The following HIRA variants were observed in gnomAD, a reference collection of about 807,000 sequenced individuals.
HIRA encodes the protein histone cell cycle regulator, also known as protein HIRA.
Under a neutral mutation model 126.6 loss-of-function variants are expected in HIRA, and 13 were observed. The observed-to-expected ratio is 0.10, with a 90% CI of 0.07 to 0.16. HIRA has a LOEUF of 0.16. Ranked by LOEUF, HIRA falls within the 10% of genes least tolerant of loss-of-function variation. The probability of loss-of-function intolerance (pLI) is 1.00; values close to 1 mark genes in which losing one functional copy is unlikely to be tolerated. For missense variants in HIRA, 834 were observed against 1,314.4 expected, an observed-to-expected ratio of 0.63 and a Z score of 5.65; for synonymous variants, 511 against 520.0, an observed-to-expected ratio of 0.98 and a Z score of 0.24.
chr22:19,388,506 T>C lies in HIRA; in HGVS notation c.985A>G (p.Lys329Glu). The C allele has an allele frequency of 1.2e-6, 2 of 1,613,304 alleles. No homozygotes were observed. Among genetic ancestry groups the C allele is most frequent in the Non-Finnish European group, 8.5e-7 (1 of 1,179,244 alleles). The change falls in exon 10 of 25, where the codon AAA (lysine) becomes GAA (glutamate). Residue 329 changes from lysine (K) to glutamate (E), a missense_variant. Physicochemically the swap from Lys to Glu is moderately conservative, Grantham distance 56. This residue lies in a region of HIRA where 153 missense variants were observed against 270.6 expected (regional missense o/e 0.57). Transcript: ENST00000263208. ...TACCAGGAAATATCCATGATGGATTTGTCAAACAGTTCATGGATGACCACC... is the reference window on the plus strand; with the variant it reads ...TACCAGGAAATATCCATGATGGATTCGTCAAACAGTTCATGGATGACCACC... The part of the protein sequence containing the change: ...PLVVIHELFD[K>E]SIMDISWTLN...
At chr22:19,343,178 C>CA (rs1473361083) in intron 24 of HIRA, among the ~76,000 whole-genome samples, 2 of 149,288 alleles carry the variant, frequency 1.3e-5, no homozygotes, top group African/African-American at 2.5e-5. Flanking sequence ...ACTAAAATGT[C>CA]AAAAAAAGAA....
intron 13 of HIRA, among the ~76,000 whole-genome samples, chr22:19,380,321 C>T (rs939233599): frequency 6.6e-6 from 1 of 152,104 alleles, no homozygotes; most frequent in Non-Finnish European, 1.5e-5. Context: ...AGGCTGGGAC[C>T]CAACATTGTT....
intron 1 of HIRA, among the ~76,000 whole-genome samples, chr22:19,422,759 T>A (rs942288669): frequency 5.9e-5 from 9 of 152,134 alleles, no homozygotes; most frequent in African/African-American, 2.2e-4. Flanking sequence ...CTCCAGGGAC[T>A]AAAGCACACT....
intron 1 of HIRA, among the ~76,000 whole-genome samples, chr22:19,428,239 C>A (rs2089503655): frequency 6.6e-6 from 1 of 152,180 alleles, no homozygotes; most frequent in Non-Finnish European, 1.5e-5. Flanking sequence ...TAACCTTAGA[C>A]AAGTGCTTCT....
chr22:19,345,944 C>A (rs1019081525), intron 24 of HIRA, among the ~76,000 whole-genome samples: 1 of 152,242 alleles, frequency 6.6e-6, no homozygotes, highest in Non-Finnish European at 1.5e-5. Flanking sequence ...GGTGCACTGG[C>A]AGCTCAAATC....
chr22:19,375,877 A>G lies in HIRA; in HGVS notation c.1614-85T>C, dbSNP rs932386786. ...GTATTTGCATTATTTGGAGCCTACT[A>G]AAAAAGGCACAAATATCAAACTTCC... On this transcript the variant is annotated intron_variant, in intron 14 of 24. Transcript: ENST00000263208. 2.2e-6 allele frequency: 3 copies of G among 1,375,516 alleles called. No individual in the cohort carries two copies. The African/African-American group carries it at 4.4e-5, about 20-fold the overall frequency. 85.2% of individuals were successfully genotyped at this position (1,375,516 alleles called of 1,614,324 possible).
At chr22:19,369,698 G>A (rs965526444) in intron 15 of HIRA, among the ~76,000 whole-genome samples, 7 of 152,118 alleles carry the variant, frequency 4.6e-5, no homozygotes, top group Non-Finnish European at 8.8e-5. Context: ...CTGGGAGGCC[G>A]AGGTGGGCGC....
chr22:19,427,111 A>G (rs1204731410), intron 1 of HIRA, among the ~76,000 whole-genome samples: 1 of 152,162 alleles, frequency 6.6e-6, no homozygotes, highest in Non-Finnish European at 1.5e-5. Context: ...AGCACTATTG[A>G]TATTTGGGGC....
At chr22:19,332,778 A>G (rs1556004909) in intron 24 of HIRA, among the ~76,000 whole-genome samples, 1 of 145,596 alleles carries the variant, frequency 6.9e-6, no homozygotes, top group Admixed American at 6.8e-5. Flanking sequence ...AGGGGAAAGG[A>G]AAAAAAAAAA....
chr22:19,372,852 G>A (rs1314931583), intron 15 of HIRA, among the ~76,000 whole-genome samples: 1 of 152,218 alleles, frequency 6.6e-6, no homozygotes, highest in Non-Finnish European at 1.5e-5. Flanking sequence ...GATTACAGGC[G>A]TGAGCCACCG....
chr22:19,362,309 TCAAA>T (rs1232492891), intron 15 of HIRA, among the ~76,000 whole-genome samples: 1 of 152,192 alleles, frequency 6.6e-6, no homozygotes. Flanking sequence ...AACTTTCTGT[TCAAA>T]CAAATAACAG....
At chr22:19,342,628 T>A (rs1462931779) in intron 24 of HIRA, among the ~76,000 whole-genome samples, 2 of 152,206 alleles carry the variant, frequency 1.3e-5, no homozygotes, top group Non-Finnish European at 2.9e-5. Context: ...CCTCAGGTGA[T>A]CTTTCCGCCT....
rs113801915 is a variant in HIRA, at chr22:19,406,538, C to T, written c.302+646G>A. Among the ~76,000 whole-genome samples, 143 of 152,278 alleles carry T rather than the reference C, an allele frequency of 9.4e-4. 1 individual carries two copies. Among genetic ancestry groups the T allele is most frequent in the African/African-American group, 3.2e-3 (133 of 41,560 alleles). On this transcript the variant is annotated intron_variant, in intron 4 of 24. Coordinates refer to ENST00000263208, the MANE Select transcript of HIRA (RefSeq NM_003325.4). ...CGATGATCAGAGCCTCTGATAACAC[C>T]TTTTGCTCTTGTAGAGCTCATCACA...
At chr22:19,355,984 C>A (rs1313834287) in intron 20 of HIRA, 119 bp from the exon 21 acceptor site, 1 of 768,282 alleles carries the variant, frequency 1.3e-6, no homozygotes, top group Admixed American at 2.2e-5. Flanking sequence ...TGCATCAACA[C>A]TGCCTTGGCA....
Position 19,385,752 on chromosome 22 carries a change from G to A in HIRA, c.1114-16C>T. 6.2e-7 allele frequency: 1 copy of A among 1,608,440 alleles called. No individual in the cohort carries two copies. Among genetic ancestry groups the A allele is most frequent in the Non-Finnish European group, 8.5e-7 (1 of 1,177,246 alleles). On this transcript the variant is annotated splice_polypyrimidine_tract_variant and intron_variant, in intron 11 of 24. Transcript: ENST00000263208. The stretch of plus-strand genomic sequence containing the variant: ...GAATGCGGCTCTGGGGAAGCAAGGA[G>A]AGGCATGACATGCCAGCATGAGTGC...
At chr22:19,365,071 T>C (rs2088900151) in intron 15 of HIRA, among the ~76,000 whole-genome samples, 1 of 152,236 alleles carries the variant, frequency 6.6e-6, no homozygotes, top group Admixed American at 6.5e-5. Context: ...AGCAAGGCTC[T>C]AACTATTTTC....
At chr22:19,343,742 A>T (rs782269028) in intron 24 of HIRA, among the ~76,000 whole-genome samples, 1 of 152,034 alleles carries the variant, frequency 6.6e-6, no homozygotes, top group Non-Finnish European at 1.5e-5. Context: ...CCTGGGCAAC[A>T]TGGAGAAAAC....
At chr22:19,353,855 C>A in intron 22 of HIRA, 141 bp downstream of exon 22, 1 of 1,050,922 alleles carries the variant, frequency 9.5e-7, no homozygotes. Flanking sequence ...TCCTGCCCAG[C>A]CTGCCTGTGC....
At chr22:19,374,057 G>A (rs1052712439) in intron 15 of HIRA, among the ~76,000 whole-genome samples, 15 of 152,116 alleles carry the variant, frequency 9.9e-5, no homozygotes, top group Middle Eastern at 3.4e-3. Flanking sequence ...TGGAGACCGC[G>A]CGCGGTGGCT....
Sources: gnomAD v4.1 joint callset for allele counts (sites outside exome capture counted in the v4.1 genomes callset) on GRCh38, gnomAD v4.1.1 for gene constraint, gnomAD v4.1.1 regional missense constraint, MANE v1.5 for transcripts, NCBI Gene and HGNC (gene_info 2026-07-23, HGNC 2026-07-21) for gene names.